KCNQ1: variants seen among roughly 807,000 people sequenced by gnomAD.
The protein encoded by KCNQ1 is potassium voltage-gated channel subfamily Q member 1.
KCNQ1 carries 49 observed loss-of-function variants against 72.4 expected under a neutral mutation model. The observed-to-expected ratio is 0.68, with a 90% CI of 0.54 to 0.86. The LOEUF (loss-of-function observed/expected upper bound fraction) is 0.86. Among genes scored for constraint, KCNQ1 ranks in the 40% least tolerant of loss-of-function variants. The pLI, the probability that KCNQ1 is intolerant of heterozygous loss-of-function variation, is 0.00. For missense variants in KCNQ1, 790 were observed against 945.1 expected (o/e 0.84, Z 2.15); for synonymous variants, 450 against 412.6 (o/e 1.09, Z -1.10).
intron 1 of KCNQ1, among the ~76,000 whole-genome samples, chr11:2,506,402 G>C (rs1847106386): frequency 6.6e-6 from 1 of 152,074 alleles, no homozygotes; most frequent in South Asian, 2.1e-4. Flanking sequence ...CTTTTTTACA[G>C]CCACCCCATA....
At chr11:2,569,734 A>G (rs560746773) in intron 2 of KCNQ1, among the ~76,000 whole-genome samples, 244 of 152,276 alleles carry the variant, frequency 1.6e-3, no homozygotes, top group African/African-American at 4.9e-3. Context: ...AAGTGTCACA[A>G]TGGGCTGCAC....
chr11:2,717,876 A>AG (rs1397691277), intron 11 of KCNQ1, among the ~76,000 whole-genome samples: 6 of 152,158 alleles, frequency 3.9e-5, no homozygotes, highest in Non-Finnish European at 8.8e-5. Flanking sequence ...CACTCGCCCC[A>AG]GGGCCTCCAG....
rs549067129 is a variant in KCNQ1, at chr11:2,838,777, G to A, written c.1795-8990G>A. ...TGGGGTTTGGCTGAGGCAGCAGAGC[G>A]CTCGCTGGCTGCCCGAACAAAGTGT... is the stretch of plus-strand genomic sequence containing the variant. On this transcript the variant is annotated intron_variant, in intron 15 of 15. Transcript: ENST00000155840. 2.2e-4 allele frequency among the ~76,000 whole-genome samples: 34 copies of A among 152,298 alleles called. No homozygotes were observed. In the South Asian group the frequency reaches 5.4e-3, roughly 24 times the overall value.
intron 15 of KCNQ1, among the ~76,000 whole-genome samples, chr11:2,793,285 T>C (rs1452844983): frequency 6.6e-6 from 1 of 152,008 alleles, no homozygotes; most frequent in Non-Finnish European, 1.5e-5. Context: ...ACTAGCAGGG[T>C]CATGTGAGGG....
At chr11:2,733,990 T>A (rs1388747803) in intron 11 of KCNQ1, among the ~76,000 whole-genome samples, 2 of 151,966 alleles carry the variant, frequency 1.3e-5, no homozygotes, top group African/African-American at 4.8e-5. Flanking sequence ...ACGCTTCCCC[T>A]GAACATCCTC....
At position 2,494,441 on chromosome 11, in the gene KCNQ1, G is replaced by A. The variant is rs1450586419; in HGVS notation, c.387-33487G>A. Among the ~76,000 whole-genome samples, 1 of 152,150 alleles carries A rather than the reference G, an allele frequency of 6.6e-6. No homozygotes were observed. The highest frequency in any genetic ancestry group is 1.5e-5 in the Non-Finnish European group (1 of 68,040). On this transcript the variant is annotated intron_variant, in intron 1 of 15. Coordinates refer to ENST00000155840, the MANE Select transcript of KCNQ1 (RefSeq NM_000218.3). The surrounding 1 kb of genome is among the most constrained non-coding windows in gnomAD (Gnocchi z 4.6). ...TCTTGTGCTGGTTTTCAAAGTGAAT[G>A]CTTCCAGCTTTTGCCCGTTCAGTAT...
At chr11:2,836,884 G>A (rs1251808862) in intron 15 of KCNQ1, among the ~76,000 whole-genome samples, 1 of 152,240 alleles carries the variant, frequency 6.6e-6, no homozygotes, top group East Asian at 1.9e-4. Context: ...AAATGGAGAT[G>A]TGTCTTTGAA....
intron 1 of KCNQ1, among the ~76,000 whole-genome samples, chr11:2,503,298 T>A (rs1471931848): frequency 6.6e-6 from 1 of 152,086 alleles, no homozygotes; most frequent in Non-Finnish European, 1.5e-5. Context: ...AACCAGAATA[T>A]GTAAGGAGCT....
chr11:2,699,929 GCCCTGGCAGGATCTTGCTGAGGAGCT>G (rs1590040555), intron 11 of KCNQ1: 4 of 398,320 alleles, frequency 1.0e-5, no homozygotes, highest in South Asian at 1.3e-4. Context: ...GCTGAGGGGC[GCCCTGGCAGGATCTTGCTGAGGAGCT>G]CCCTGGAGGT....
chr11:2,800,695 C>G (rs534827393), intron 15 of KCNQ1, among the ~76,000 whole-genome samples: 5 of 152,310 alleles, frequency 3.3e-5, no homozygotes, highest in Admixed American at 6.5e-5. Flanking sequence ...AATCTGGGCA[C>G]CACACATAGC....
At chr11:2,680,390 T>A in intron 11 of KCNQ1, 1 of 398,486 alleles carries the variant, frequency 2.5e-6, no homozygotes. Context: ...CATTGCAACA[T>A]CCTTCCATAT....
rs1331232270 is a variant in KCNQ1, at chr11:2,608,561, G to A, written c.1393+19707G>A. 3 of 398,346 alleles carry A rather than the reference G, an allele frequency of 7.5e-6. No individual in the cohort carries two copies. The highest frequency in any genetic ancestry group is 8.8e-6 in the Non-Finnish European group (2 of 226,006). 24.7% of individuals were successfully genotyped at this position (398,346 alleles called of 1,614,324 possible). On this transcript the variant is annotated intron_variant, in intron 10 of 15. Coordinates refer to ENST00000155840, the MANE Select transcript of KCNQ1 (RefSeq NM_000218.3). This position sits in a 1 kb window ranked among gnomAD's most constrained non-coding sequence, Gnocchi z 4.6. ...TGTAATCATAGCTCACTGTAACCTC[G>A]ATCTCCTAGTCTCAAGTGATCCTTG...
chr11:2,701,417 G>A (rs1236557271), intron 11 of KCNQ1, among the ~76,000 whole-genome samples: 1 of 152,158 alleles, frequency 6.6e-6, no homozygotes, highest in African/African-American at 2.4e-5. Flanking sequence ...GGGAGTTCAT[G>A]TGTCTGATCA....
chr11:2,532,234 G>C (rs549376147), intron 2 of KCNQ1, among the ~76,000 whole-genome samples: 17 of 152,266 alleles, frequency 1.1e-4, no homozygotes, highest in Admixed American at 7.2e-4. Context: ...GTGGGACCCC[G>C]TGGCTGCGCT....
chr11:2,760,823 G>A (rs1393838441), intron 11 of KCNQ1, among the ~76,000 whole-genome samples: 1 of 152,204 alleles, frequency 6.6e-6, no homozygotes, highest in Non-Finnish European at 1.5e-5. Context: ...CGCTTCTTCA[G>A]TGCCCCACTA....
In KCNQ1 at chr11:2,595,125, A is replaced by G. The variant is rs1196207239; in HGVS notation, c.1393+6271A>G. ...CTATGCAGTGTAAACAGAAACCCCAATCTCCTGTGAGAGCAAGTCTAAGTA... is the reference window on the plus strand; with the variant it reads ...CTATGCAGTGTAAACAGAAACCCCAGTCTCCTGTGAGAGCAAGTCTAAGTA... On this transcript the variant is annotated intron_variant, in intron 10 of 15. Transcript: ENST00000155840. The surrounding 1 kb of genome is among the most constrained non-coding windows in gnomAD (Gnocchi z 5.0). Among the ~76,000 whole-genome samples, 4 of 152,158 alleles carry G rather than the reference A, an allele frequency of 2.6e-5. No homozygotes were observed. The highest frequency in any genetic ancestry group is 1.9e-4 in the East Asian group (1 of 5,202).
rs59367857 is a variant in KCNQ1 at position 2,564,208 on chromosome 11, C to T, written c.478-6420C>T. Among the ~76,000 whole-genome samples, 86 of 152,340 alleles carry T rather than the reference C, an allele frequency of 5.6e-4. 1 individual carries two copies. Among genetic ancestry groups the T allele is most frequent in the African/African-American group, 2.0e-3 (82 of 41,574 alleles). ...AGGCGGTTCAGCCAACACCTGTCTC[C>T]GGTTCCAGAGCTTTTTCATCACCTC... On this transcript the variant is annotated intron_variant, in intron 2 of 15. Coordinates refer to ENST00000155840, the MANE Select transcript of KCNQ1 (RefSeq NM_000218.3). The surrounding 1 kb of genome is among the most constrained non-coding windows in gnomAD (Gnocchi z 4.5).
intron 11 of KCNQ1, chr11:2,680,904 G>GT (rs1223738104): frequency 2.5e-6 from 1 of 398,352 alleles, no homozygotes; most frequent in Admixed American, 4.4e-5. Flanking sequence ...CTTGCATTTT[G>GT]GTATGACCCA....
intron 11 of KCNQ1, chr11:2,696,628 T>G: frequency 2.5e-6 from 1 of 398,690 alleles, no homozygotes; most frequent in African/African-American, 2.0e-5. Context: ...GGAGTCCTGT[T>G]GAACTTAACA....
Sources: allele counts gnomAD v4.1 joint callset (sites outside exome capture counted in the v4.1 genomes callset), GRCh38; gene constraint gnomAD v4.1.1; non-coding constraint Gnocchi (gnomAD v3.1); transcripts MANE v1.5; gene names NCBI Gene and HGNC (gene_info 2026-07-23, HGNC 2026-07-21).